AAK1: variants seen among roughly 807,000 people sequenced by gnomAD.
The protein encoded by AAK1 is AP2-associated protein kinase 1.
A neutral mutation model predicts 116.0 loss-of-function variants in AAK1; 37 were observed. That is an observed-to-expected ratio of 0.32 (90% CI 0.25 to 0.42). AAK1 has a LOEUF of 0.42. AAK1 is among the 10% of genes least tolerant of loss of function. The pLI is 1.00. For missense variants in AAK1, 919 were observed against 1,170.6 expected (o/e 0.79, Z 3.14); for synonymous variants, 458 against 439.9 (o/e 1.04, Z -0.51).
Position 69,480,954 on chromosome 2 carries a change from A to C in AAK1, c.2475T>G (p.Ala825=), listed in dbSNP as rs1675066352. ...GSTSDAVIEK[A]DVAVESLIPG... ...GTATGAGACTCTCAACAGCAACATC[A>C]GCTTTTTCTTTCGTAACAGAGCATT... The change falls in exon 19 of 22, where the codon GCT becomes GCG. Residue 825 remains alanine, a synonymous_variant. Coordinates refer to ENST00000409085, the MANE Select transcript of AAK1 (RefSeq NM_014911.5). The C allele has an allele frequency of 1.2e-6, 2 of 1,602,252 alleles. No homozygotes were observed. The highest frequency in any genetic ancestry group is 1.3e-5 in the African/African-American group (1 of 74,776).
At chr2:69,509,831 T>C (rs1413908412) in intron 13 of AAK1, among the ~76,000 whole-genome samples, 6 of 152,178 alleles carry the variant, frequency 3.9e-5, no homozygotes, top group Admixed American at 2.0e-4. Context: ...TGGAGTCACA[T>C]ACAAACTCAT....
intron 17 of AAK1, among the ~76,000 whole-genome samples, chr2:69,483,843 C>G (rs1675188617): frequency 6.6e-6 from 1 of 152,200 alleles, no homozygotes; most frequent in Admixed American, 6.5e-5. Flanking sequence ...ACTTGTCACA[C>G]CTGGTAACTT....
rs137871749 is a variant in AAK1, at chr2:69,636,784, C to T, written c.163+6094G>A. Among the ~76,000 whole-genome samples, 941 of 152,012 alleles carry T rather than the reference C, an allele frequency of 6.2e-3. 20 individuals are homozygous for T. Among genetic ancestry groups the T allele is most frequent in the East Asian group, 0.012 (60 of 5,174 alleles). The stretch of plus-strand genomic sequence containing the variant: ...GCAGGATCTTGGCTCACTGCAACCT[C>T]TGCCTCCCGGATTCAAGCGATTCTG... On this transcript the variant is annotated intron_variant, in intron 2 of 21. Transcript: ENST00000409085.
intron 2 of AAK1, among the ~76,000 whole-genome samples, chr2:69,579,684 TCTC>T (rs1672463648): frequency 6.6e-6 from 1 of 152,220 alleles, no homozygotes; most frequent in Admixed American, 6.5e-5. Flanking sequence ...CACTTCTTGA[TCTC>T]CTTTAGAGTT....
chr2:69,619,596 T>A (rs376674436), intron 2 of AAK1, among the ~76,000 whole-genome samples: 8 of 152,212 alleles, frequency 5.3e-5, no homozygotes, highest in African/African-American at 1.9e-4. Flanking sequence ...ACAAGCACGT[T>A]ATATAGCAGA....
At chr2:69,539,824 C>T (rs547368078) in intron 5 of AAK1, among the ~76,000 whole-genome samples, 1 of 152,174 alleles carries the variant, frequency 6.6e-6, no homozygotes, top group Non-Finnish European at 1.5e-5. Context: ...CCTATCAGGC[C>T]TTCAAAATCC....
At chr2:69,488,029 G>A (rs550821586) in intron 17 of AAK1, among the ~76,000 whole-genome samples, 4 of 152,092 alleles carry the variant, frequency 2.6e-5, no homozygotes, top group African/African-American at 9.6e-5. Flanking sequence ...GACCTCAGGT[G>A]ATCCAAAGTG....
Position 69,470,926 on chromosome 2 carries a change from T to G in AAK1, c.*4943A>C, listed in dbSNP as rs1018395302. 1 of 985,790 alleles carries G rather than the reference T, an allele frequency of 1.0e-6. No individual in the cohort carries two copies. Among genetic ancestry groups the G allele is most frequent in the African/African-American group, 1.7e-5 (1 of 57,260 alleles). The allele number at this position is 985,790 out of a possible 1,614,324, so 61.1% of individuals were successfully genotyped here. A position where few individuals can be genotyped will look rare whatever the true frequency, so the allele number is the denominator to read the frequency against. On this transcript the variant is annotated 3_prime_UTR_variant, in exon 22 of 22. Coordinates refer to ENST00000409085, the MANE Select transcript of AAK1 (RefSeq NM_014911.5). ...CATCTCTAAACATCATGCTCCCATT[T>G]GAACAGATAAAAGTCTTTATTCCCC...
Position 69,469,349 on chromosome 2 carries a change from A to G in AAK1, c.*6520T>C, listed in dbSNP as rs1674599048. 1 of 985,334 alleles carries G rather than the reference A, an allele frequency of 1.0e-6. No individual in the cohort carries two copies. The highest frequency in any genetic ancestry group is 1.2e-6 in the Non-Finnish European group (1 of 829,926). 61.0% of individuals were successfully genotyped at this position (985,334 alleles called of 1,614,324 possible). A position where few individuals can be genotyped will look rare whatever the true frequency, so the allele number is the denominator to read the frequency against. ...GAGAAGGATAAATTCCAAATATACTAGAAACAGAAGGTAACCATTAAATCT... is the reference window on the plus strand; with the variant it reads ...GAGAAGGATAAATTCCAAATATACTGGAAACAGAAGGTAACCATTAAATCT... On this transcript the variant is annotated 3_prime_UTR_variant, in exon 22 of 22. Transcript: ENST00000409085.
intron 3 of AAK1, among the ~76,000 whole-genome samples, chr2:69,549,147 T>G (rs1671065097): frequency 6.6e-6 from 1 of 152,088 alleles, no homozygotes; most frequent in African/African-American, 2.4e-5. Context: ...GGTGGGTGGA[T>G]TACCTGAGGT....
intron 2 of AAK1, among the ~76,000 whole-genome samples, chr2:69,558,886 T>C (rs983139502): frequency 2.0e-5 from 3 of 152,248 alleles, no homozygotes; most frequent in Admixed American, 6.5e-5. Flanking sequence ...TGTCTGTTGA[T>C]GCCCATGGCA....
At chr2:69,506,868 C>CTGTG (rs10531990) in intron 15 of AAK1, among the ~76,000 whole-genome samples, 2,795 of 149,242 alleles carry the variant, frequency 0.019, 48 homozygotes, top group African/African-American at 0.047. Context: ...GTGCATGTGC[C>CTGTG]TGTGTGTGTG....
At position 69,518,418 on chromosome 2, in the gene AAK1, T is replaced by TTG. The variant is rs1378412802; in HGVS notation, c.1497+535_1497+536insCA. Among the ~76,000 whole-genome samples, 562 of 141,368 alleles carry TTG rather than the reference T, an allele frequency of 4.0e-3. 14 individuals carry two copies. Among genetic ancestry groups the TTG allele is most frequent in the African/African-American group, 0.013 (464 of 37,012 alleles). The allele number at this position is 141,368 out of a possible 152,430, so 92.7% of individuals were successfully genotyped here. A position where few individuals can be genotyped will look rare whatever the true frequency, so the allele number is the denominator to read the frequency against. On this transcript the variant is annotated intron_variant, in intron 12 of 21. Transcript: ENST00000409085. ...AGTCCTTAAAAAAAAATAGTTTTTT[T>TTG]TTTTTTTTTTTTTTTTTTGAGACAG...
intron 3 of AAK1, 135 bp from the exon 4 acceptor site, chr2:69,544,679 G>C (rs993654199): frequency 3.1e-6 from 2 of 655,728 alleles, no homozygotes; most frequent in Admixed American, 5.6e-5. Flanking sequence ...AAGGAGCAAA[G>C]TCAAGAACAG....
At chr2:69,641,867 C>T (rs892200641) in intron 2 of AAK1, among the ~76,000 whole-genome samples, 6 of 152,192 alleles carry the variant, frequency 3.9e-5, no homozygotes, top group African/African-American at 1.4e-4. Flanking sequence ...TCCAACCCCT[C>T]TCGGTCTATA....
chr2:69,617,688 G>A (rs779386348), intron 2 of AAK1, among the ~76,000 whole-genome samples: 9 of 152,290 alleles, frequency 5.9e-5, no homozygotes, highest in Non-Finnish European at 1.0e-4. Flanking sequence ...CAAACATCAG[G>A]AACAACTAAT....
Position 69,473,486 on chromosome 2 carries a change from C to T in AAK1, c.*2383G>A. ...TGAGGAGGCCTTACTCTAAATAAGC[C>T]CAAGACAATTTCTTGTCATTATCTC... On this transcript the variant is annotated 3_prime_UTR_variant, in exon 22 of 22. Coordinates refer to ENST00000409085, the MANE Select transcript of AAK1 (RefSeq NM_014911.5). 1 of 985,390 alleles carries T rather than the reference C, an allele frequency of 1.0e-6. No individual in the cohort carries two copies. Among genetic ancestry groups the T allele is most frequent in the African/African-American group, 1.7e-5 (1 of 57,334 alleles). 61.0% of individuals were successfully genotyped at this position (985,390 alleles called of 1,614,324 possible). A position where few individuals can be genotyped will look rare whatever the true frequency, so the allele number is the denominator to read the frequency against.
chr2:69,567,159 T>C (rs1671909956), intron 2 of AAK1, among the ~76,000 whole-genome samples: 1 of 152,228 alleles, frequency 6.6e-6, no homozygotes, highest in Non-Finnish European at 1.5e-5. Flanking sequence ...TGCTCCAATC[T>C]GCCTAAGGAT....
At chr2:69,545,191 T>A (rs927978308) in intron 3 of AAK1, among the ~76,000 whole-genome samples, 11 of 152,210 alleles carry the variant, frequency 7.2e-5, no homozygotes, top group Non-Finnish European at 1.5e-5. Flanking sequence ...TAGGGCTGCT[T>A]GGATGAATTC....
Sources: gnomAD v4.1 joint callset for allele counts (sites outside exome capture counted in the v4.1 genomes callset) on GRCh38, gnomAD v4.1.1 for gene constraint, MANE v1.5 for transcripts, NCBI Gene and HGNC (gene_info 2026-07-23, HGNC 2026-07-21) for gene names.